Variants in POM121C observed in about 807,000 individuals in gnomAD.
The protein encoded by POM121C is nuclear envelope pore membrane protein POM 121C.
Under a neutral mutation model 66.4 loss-of-function variants are expected in POM121C, and 20 were observed. That is an observed-to-expected ratio of 0.30 (90% CI 0.21 to 0.44). The LOEUF (loss-of-function observed/expected upper bound fraction) is 0.44, where lower values mean the gene tolerates loss of function less well. Among genes scored for constraint, POM121C ranks in the 20% least tolerant of loss-of-function variants. The pLI is 1.00. For synonymous variants in POM121C, 286 were observed against 528.0 expected (o/e 0.54, Z 6.28); for missense variants, 580 against 1,225.7 (o/e 0.47, Z 7.87).
chr7:75,481,063 A>G (rs1554480065), intron 1 of POM121C, among the ~76,000 whole-genome samples: 1 of 148,268 alleles, frequency 6.7e-6, no homozygotes, highest in East Asian at 1.9e-4. Flanking sequence ...ATATATATAC[A>G]CATACGTATA....
intron 7 of POM121C, among the ~76,000 whole-genome samples, chr7:75,435,223 T>C (rs1479379807): frequency 3.3e-5 from 5 of 152,234 alleles, no homozygotes; most frequent in African/African-American, 1.2e-4. Context: ...AGACCAAAGA[T>C]GAGTTTCTGT....
At chr7:75,435,325 T>C (rs1790362108) in intron 7 of POM121C, among the ~76,000 whole-genome samples, 2 of 152,170 alleles carry the variant, frequency 1.3e-5, no homozygotes, top group African/African-American at 4.8e-5. Context: ...TGTTAGAAGG[T>C]GGCAGTTTTC....
intron 5 of POM121C, among the ~76,000 whole-genome samples, chr7:75,439,912 G>A (rs1315344531): frequency 6.6e-5 from 9 of 136,102 alleles, no homozygotes; most frequent in African/African-American, 2.4e-4. Flanking sequence ...AGACAGTCTC[G>A]CTCTGTCACC....
chr7:75,444,560 T>C (rs1366396585), intron 3 of POM121C, among the ~76,000 whole-genome samples: 1 of 104,836 alleles, frequency 9.5e-6, no homozygotes, highest in Non-Finnish European at 2.3e-5. Flanking sequence ...TGAGAATTAA[T>C]GTAAATAGAG....
intron 1 of POM121C, among the ~76,000 whole-genome samples, chr7:75,485,509 A>AGG (rs369992925): frequency 2.0e-5 from 3 of 151,812 alleles, no homozygotes; most frequent in Non-Finnish European, 4.4e-5. Context: ...GGCAGGTCTA[A>AGG]GGGGGGGGAT....
chr7:75,435,296 T>C (rs1790361154), intron 7 of POM121C, among the ~76,000 whole-genome samples: 1 of 152,180 alleles, frequency 6.6e-6, no homozygotes, highest in Non-Finnish European at 1.5e-5. Context: ...AATCTATATA[T>C]ACTGTCTACT....
chr7:75,474,957 C>A (rs1406947235), intron 2 of POM121C, 75 bp from the exon 3 acceptor site: 17 of 1,273,936 alleles, frequency 1.3e-5, no homozygotes, highest in Non-Finnish European at 1.9e-5. Flanking sequence ...ATAAACACTG[C>A]AGCTAGTGCC....
intron 3 of POM121C, among the ~76,000 whole-genome samples, chr7:75,447,948 CAGGAG>C (rs587650472): frequency 6.6e-6 from 1 of 150,872 alleles, no homozygotes; most frequent in African/African-American, 2.4e-5. Flanking sequence ...GGTGTGAACC[CAGGAG>C]GTGGAGCTTG....
intron 3 of POM121C, among the ~76,000 whole-genome samples, chr7:75,468,316 T>A (rs1791750396): frequency 7.5e-6 from 1 of 133,118 alleles, no homozygotes; most frequent in Non-Finnish European, 1.6e-5. Context: ...ACTCCAGCTT[T>A]TTTTTTTTTT....
At position 75,424,809 on chromosome 7, in the gene POM121C, A is replaced by C. The variant is rs1789870957; in HGVS notation, c.769-181T>G. On this transcript the variant is annotated intron_variant, in intron 10 of 14. Transcript: ENST00000615331. ...CCCCATCTCTACTAAAAATACAAAA[A>C]ATTAGTCAGGCGTGGTAGCAAGCGC... The C allele has an allele frequency of 4.1e-6, 5 of 1,207,824 alleles. 1 individual carries two copies. The South Asian group carries it at 5.9e-5, about 14-fold the overall frequency. The allele number at this position is 1,207,824 out of a possible 1,614,324, so 74.8% of individuals were successfully genotyped here. A position where few individuals can be genotyped will look rare whatever the true frequency, so the allele number is the denominator to read the frequency against.
chr7:75,476,958 A>G (rs1792103632), intron 1 of POM121C, among the ~76,000 whole-genome samples: 1 of 152,152 alleles, frequency 6.6e-6, no homozygotes, highest in Non-Finnish European at 1.5e-5. Context: ...TTAAAAAAAC[A>G]AACTAAAGAA....
chr7:75,479,582 C>T (rs1792231132), intron 1 of POM121C, among the ~76,000 whole-genome samples: 1 of 145,720 alleles, frequency 6.9e-6, no homozygotes, highest in Admixed American at 6.7e-5. Context: ...CACCCCTGCA[C>T]TCCAGCCTGG....
At chr7:75,472,850 G>A (rs1791929029) in intron 3 of POM121C, among the ~76,000 whole-genome samples, 1 of 151,728 alleles carries the variant, frequency 6.6e-6, no homozygotes, top group African/African-American at 2.4e-5. Flanking sequence ...GGGAGGGAGG[G>A]AAGAGAGGAA....
Position 75,441,544 on chromosome 7 carries a change from A to G in POM121C, c.-48T>C, listed in dbSNP as rs1554474008. 2.5e-6 allele frequency: 4 copies of G among 1,613,640 alleles called. No homozygotes were observed. The highest frequency in any genetic ancestry group is 4.5e-5 in the East Asian group (2 of 44,888). ...ACAGCCTTCTTGTGATAACCATTCC[A>G]GCACACTGTGGGAAGTACCCCCGGA... On this transcript the variant is annotated 5_prime_UTR_variant, in exon 4 of 15. Coordinates refer to ENST00000615331, the MANE Select transcript of POM121C (RefSeq NM_001099415.3).
chr7:75,474,668 G>A, intron 3 of POM121C, 36 bp downstream of exon 3: 1 of 1,089,566 alleles, frequency 9.2e-7, no homozygotes, highest in East Asian at 2.5e-5. Context: ...GGTCTGGGAT[G>A]AGCATTTTTT....
At position 75,437,521 on chromosome 7, in the gene POM121C, G is replaced by A. The variant is rs879980933; in HGVS notation, c.474C>T (p.Ile158=). The change falls in exon 7 of 15, where the codon ATC becomes ATT. Residue 158 remains isoleucine (I), a synonymous_variant. Transcript: ENST00000615331. The part of the protein sequence containing the change: ...ITSSYSSTRG[I]SQLWKRNGPS... Reference sequence around the variant, plus strand: ...ACAAGAGCTGTACTTGTACCTGTGAGATGCCTCGAGTGGAGCTGTAGGAAC... The same window carrying A: ...ACAAGAGCTGTACTTGTACCTGTGAAATGCCTCGAGTGGAGCTGTAGGAAC... The A allele has an allele frequency of 6.2e-7, 1 of 1,611,506 alleles. No homozygotes were observed. The highest frequency in any genetic ancestry group is 1.1e-5 in the South Asian group (1 of 90,932).
At position 75,419,440 on chromosome 7, in the gene POM121C, T is replaced by G. The variant is rs1789603023; in HGVS notation, c.2746A>C (p.Thr916Pro). ...TTCTGACCAAAGGTGGGGGTGGCGG[T>G]GCCTGGAATGAAGAGAACAGAGAGC... Reference protein sequence around the residue: ...TTESKPVFGGTATPTFGQNTP... With the variant: ...TTESKPVFGGPATPTFGQNTP... The change falls in exon 14 of 15, where the codon ACC becomes CCC. Residue 916 changes from threonine to proline, a missense_variant and splice_region_variant. Transcript: ENST00000615331. 6.2e-7 allele frequency: 1 copy of G among 1,612,714 alleles called. No individual in the cohort carries two copies.
At chr7:75,474,973 G>C (rs1554479177) in intron 2 of POM121C, 89 bp downstream of exon 2, 1 of 1,418,306 alleles carries the variant, frequency 7.1e-7, no homozygotes, top group Non-Finnish European at 1.0e-6. Flanking sequence ...GTGCCCACAA[G>C]GAATTAAATG....
rs187391689 is a variant in POM121C at position 75,468,038 on chromosome 7, C to T, written c.-152+6666G>A. Among the ~76,000 whole-genome samples the T allele has an allele frequency of 1.9e-3, 279 of 148,056 alleles. 2 individuals carry two copies. The highest frequency in any genetic ancestry group is 5.9e-3 in the African/African-American group (239 of 40,432). ...TCCCCAGCTACTCAGGGGCTGAGGC[C>T]GGAGAATTGCTTGAACTGAGGAGGC... is the stretch of plus-strand genomic sequence containing the variant. On this transcript the variant is annotated intron_variant, in intron 3 of 14. Transcript: ENST00000615331.
Sources: allele counts gnomAD v4.1 joint callset (sites outside exome capture counted in the v4.1 genomes callset), GRCh38; gene constraint gnomAD v4.1.1; transcripts MANE v1.5; gene names NCBI Gene and HGNC (gene_info 2026-07-23, HGNC 2026-07-21).